COL22A1: variants seen among roughly 807,000 people sequenced by gnomAD.
The protein encoded by COL22A1 is collagen alpha-1(XXII) chain.
Under a neutral mutation model 248.9 loss-of-function variants are expected in COL22A1, and 221 were observed. That is an observed-to-expected ratio of 0.89 (90% CI 0.80 to 0.99). The LOEUF (loss-of-function observed/expected upper bound fraction) is 0.99, where lower values mean the gene tolerates loss of function less well. Among genes scored for constraint, COL22A1 ranks in the 50% least tolerant of loss-of-function variants. The pLI is 0.00. For synonymous variants in COL22A1, 891 were observed against 793.4 expected, an observed-to-expected ratio of 1.12 and a Z score of -2.07; for missense variants, 2,240 against 2,179.0, an observed-to-expected ratio of 1.03 and a Z score of -0.56.
intron 39 of COL22A1, among the ~76,000 whole-genome samples, chr8:138,681,720 C>T (rs1425881153): frequency 2.0e-5 from 3 of 152,206 alleles, no homozygotes; most frequent in Non-Finnish European, 4.4e-5. Flanking sequence ...AATCTAGGTC[C>T]TAATTCCTTA....
In COL22A1 at chr8:138,872,526, C is replaced by T. The variant is rs993706184; in HGVS notation, c.658+5224G>A. Among the ~76,000 whole-genome samples the T allele has an allele frequency of 3.3e-5, 5 of 152,324 alleles. No individual in the cohort carries two copies. The East Asian group carries it at 7.7e-4, about 24-fold the overall frequency. On this transcript the variant is annotated intron_variant, in intron 3 of 64. Coordinates refer to ENST00000303045, the MANE Select transcript of COL22A1 (RefSeq NM_152888.3). The stretch of plus-strand genomic sequence containing the variant: ...CTGTGGCCAGCTGGCATTCCACAGG[C>T]TCACTTACAGTGACCCGATAAGCTA...
chr8:138,761,030 G>A (rs1186005533), intron 17 of COL22A1, among the ~76,000 whole-genome samples: 1 of 152,126 alleles, frequency 6.6e-6, no homozygotes, highest in Non-Finnish European at 1.5e-5. Flanking sequence ...AGATCCTAAG[G>A]ACATAGACAT....
At chr8:138,602,538 G>A (rs1818110061) in intron 59 of COL22A1, among the ~76,000 whole-genome samples, 1 of 152,186 alleles carries the variant, frequency 6.6e-6, no homozygotes, top group Non-Finnish European at 1.5e-5. Context: ...AGATAGTTCT[G>A]CGGTCTCATG....
intron 15 of COL22A1, chr8:138,778,146 G>A: frequency 3.1e-6 from 2 of 648,242 alleles, no homozygotes; most frequent in Non-Finnish European, 5.6e-6. Context: ...CCAGGAATAT[G>A]CATTTAAACT....
chr8:138,725,074 T>C (rs947362850), intron 24 of COL22A1, among the ~76,000 whole-genome samples: 7 of 152,272 alleles, frequency 4.6e-5, no homozygotes, highest in African/African-American at 1.7e-4. Context: ...CTGTTTTGCC[T>C]CAAAGCCAAA....
At chr8:138,839,752 CTG>C in intron 4 of COL22A1, among the ~76,000 whole-genome samples, 1 of 152,306 alleles carries the variant, frequency 6.6e-6, no homozygotes, top group African/African-American at 2.4e-5. Flanking sequence ...TCCAGGATGT[CTG>C]TGGCCAAATT....
intron 44 of COL22A1, among the ~76,000 whole-genome samples, chr8:138,660,074 C>T (rs948152942): frequency 6.6e-6 from 1 of 152,214 alleles, no homozygotes; most frequent in Non-Finnish European, 1.5e-5. Flanking sequence ...GCCTGCTGGC[C>T]CGCAGTTGAA....
chr8:138,909,004 C>G (rs957355856), intron 1 of COL22A1, among the ~76,000 whole-genome samples: 1 of 152,186 alleles, frequency 6.6e-6, no homozygotes, highest in African/African-American at 2.4e-5. Context: ...AGAATCCAGT[C>G]ACCAGATGAG....
chr8:138,889,558 T>A (rs1321433058), intron 1 of COL22A1, among the ~76,000 whole-genome samples: 1 of 151,890 alleles, frequency 6.6e-6, no homozygotes, highest in East Asian at 1.9e-4. Flanking sequence ...CTCTGAGGAC[T>A]GTTGTGGGGT....
intron 30 of COL22A1, 112 bp downstream of exon 30, chr8:138,715,567 TTTA>T: frequency 9.3e-6 from 4 of 429,360 alleles, no homozygotes; most frequent in Non-Finnish European, 1.4e-5. Context: ...AGACTCTCAT[TTTA>T]AAAAAAAAAA....
intron 39 of COL22A1, 52 bp downstream of exon 39, chr8:138,684,373 T>C (rs1826182722): frequency 8.2e-7 from 1 of 1,222,908 alleles, no homozygotes; most frequent in Admixed American, 1.7e-5. Context: ...TTCCACGTTC[T>C]CTTTCAAACG....
chr8:138,622,686 C>T (rs972201927), intron 52 of COL22A1, among the ~76,000 whole-genome samples: 1 of 152,080 alleles, frequency 6.6e-6, no homozygotes, highest in African/African-American at 2.4e-5. Context: ...AAAGATAGGC[C>T]CACAACTATT....
Position 138,821,089 on chromosome 8 carries a change from C to A in COL22A1, c.1245+47G>T, listed in dbSNP as rs371063613. 8.0e-5 allele frequency: 128 copies of A among 1,596,246 alleles called. No homozygotes were observed. In the African/African-American group the frequency reaches 1.6e-3, roughly 20 times the overall value. On this transcript the variant is annotated intron_variant, in intron 7 of 64. Transcript: ENST00000303045. Reference sequence around the variant, plus strand: ...AGGGCACTTAGCTCCCAAGGCTTCTCCCCGGTGGCCTGGAACCTGGGCTGC... The same window carrying A: ...AGGGCACTTAGCTCCCAAGGCTTCTACCCGGTGGCCTGGAACCTGGGCTGC...
In COL22A1 at chr8:138,844,599, T is replaced by G. The variant is rs554129594; in HGVS notation, c.659-441A>C. 1.1e-4 allele frequency among the ~76,000 whole-genome samples: 17 copies of G among 152,272 alleles called. No individual in the cohort carries two copies. In the South Asian group the frequency reaches 3.3e-3, roughly 30 times the overall value. ...ATTCTTTTTGAAAGAACTGTAAGAT[T>G]TAGCCTGATAGACAAAAGACCAAAA... On this transcript the variant is annotated intron_variant, in intron 3 of 64. Transcript: ENST00000303045.
chr8:138,698,291 A>G (rs1298946494), intron 32 of COL22A1, among the ~76,000 whole-genome samples: 3 of 152,202 alleles, frequency 2.0e-5, no homozygotes, highest in East Asian at 3.9e-4. Flanking sequence ...ACGGCGGTAC[A>G]GACGCTCCAT....
At chr8:138,723,992 G>C (rs1830107506) in intron 25 of COL22A1, among the ~76,000 whole-genome samples, 1 of 152,192 alleles carries the variant, frequency 6.6e-6, no homozygotes, top group Non-Finnish European at 1.5e-5. Flanking sequence ...CAATGAGGGA[G>C]AACTAGCTGT....
intron 22 of COL22A1, among the ~76,000 whole-genome samples, chr8:138,744,467 T>TACAC (rs1382396404): frequency 6.8e-6 from 1 of 148,058 alleles, no homozygotes; most frequent in Admixed American, 6.6e-5. Flanking sequence ...TGCACATGGA[T>TACAC]ACACACACAC....
intron 23 of COL22A1, among the ~76,000 whole-genome samples, chr8:138,726,169 G>A (rs1248827711): frequency 1.3e-5 from 2 of 152,034 alleles, no homozygotes; most frequent in Non-Finnish European, 2.9e-5. Context: ...GGAGGGCTGG[G>A]GAGGGGAGAA....
chr8:138,806,672 C>A (rs1817756653), intron 10 of COL22A1, among the ~76,000 whole-genome samples: 2 of 152,284 alleles, frequency 1.3e-5, no homozygotes, highest in East Asian at 1.9e-4. Flanking sequence ...ATCACTCATT[C>A]AACAAGAAGG....
Sources: gnomAD v4.1 joint callset for allele counts (sites outside exome capture counted in the v4.1 genomes callset) on GRCh38, gnomAD v4.1.1 for gene constraint, MANE v1.5 for transcripts, NCBI Gene and HGNC (gene_info 2026-07-23, HGNC 2026-07-21) for gene names.